Variants in TEKT5 observed in about 807,000 individuals in gnomAD.
TEKT5 encodes tektin 5.
In TEKT5, 52 loss-of-function variants were observed where a neutral mutation model predicts 48.7. That is an observed-to-expected ratio of 1.07 (90% CI 0.86 to 1.35). The LOEUF (loss-of-function observed/expected upper bound fraction) is 1.35. Ranked by LOEUF, TEKT5 falls within the 40% of genes most tolerant of loss-of-function variation. TEKT5 has a pLI of 0.00. For missense variants in TEKT5, 831 were observed against 641.6 expected, an observed-to-expected ratio of 1.30 and a Z score of -3.19; for synonymous variants, 318 against 267.6, an observed-to-expected ratio of 1.19 and a Z score of -1.84.
At chr16:10,684,852 G>A (rs934839245) in intron 3 of TEKT5, among the ~76,000 whole-genome samples, 4 of 152,184 alleles carry the variant, frequency 2.6e-5, no homozygotes, top group East Asian at 1.9e-4. Flanking sequence ...ATCAGGAAGA[G>A]CCTTTTCTCA....
rs555694538 is a variant in TEKT5 at position 10,687,421 on chromosome 16, T to A, written c.719+1832A>T. 2.6e-4 allele frequency among the ~76,000 whole-genome samples: 39 copies of A among 152,328 alleles called. No homozygotes were observed. The South Asian group carries it at 7.5e-3, about 29-fold the overall frequency. The stretch of plus-strand genomic sequence containing the variant: ...AAACAAAGACACTGGCCTGTCCCAA[T>A]TCTCCCTTTGTTAAAATTTGCCTGT... On this transcript the variant is annotated intron_variant, in intron 3 of 6. Transcript: ENST00000283025.
Position 10,632,247 on chromosome 16 carries a change from A to C in TEKT5, c.1241+3517T>G, listed in dbSNP as rs574022430. Among the ~76,000 whole-genome samples, 3 of 152,252 alleles carry C rather than the reference A, an allele frequency of 2.0e-5. No homozygotes were observed. The South Asian group carries it at 6.2e-4, about 32-fold the overall frequency. ...GATACTGAGCCCTTGAAATGTGGTT[A>C]TTGTGAATAAGGAATTGAATTTTTA... On this transcript the variant is annotated intron_variant, in intron 6 of 6. Coordinates refer to ENST00000283025, the MANE Select transcript of TEKT5 (RefSeq NM_144674.2).
At chr16:10,644,301 A>C (rs1898037956) in intron 5 of TEKT5, among the ~76,000 whole-genome samples, 1 of 152,174 alleles carries the variant, frequency 6.6e-6, no homozygotes, top group Non-Finnish European at 1.5e-5. Flanking sequence ...AGGCCCAGAG[A>C]GGAGCTGTAA....
At chr16:10,665,969 G>A (rs1898449087) in intron 5 of TEKT5, among the ~76,000 whole-genome samples, 1 of 152,222 alleles carries the variant, frequency 6.6e-6, no homozygotes, top group South Asian at 2.1e-4. Context: ...AACAGGGGCT[G>A]GGCGCGGTGG....
chr16:10,688,437 C>A (rs1371306026), intron 3 of TEKT5, among the ~76,000 whole-genome samples: 1 of 152,112 alleles, frequency 6.6e-6, no homozygotes, highest in African/African-American at 2.4e-5. Flanking sequence ...AAGGTGCCCG[C>A]CCCCCCTGCA....
At chr16:10,672,959 T>C (rs1170618892) in intron 5 of TEKT5, among the ~76,000 whole-genome samples, 2 of 151,650 alleles carry the variant, frequency 1.3e-5, no homozygotes, top group Non-Finnish European at 2.9e-5. Context: ...CAGGCTCAAG[T>C]GATCCTCCTT....
intron 3 of TEKT5, among the ~76,000 whole-genome samples, chr16:10,683,716 T>C (rs1016392159): frequency 6.6e-6 from 1 of 152,122 alleles, no homozygotes; most frequent in Admixed American, 6.5e-5. Flanking sequence ...TCAGTCTCCC[T>C]AGTAGCTGGG....
chr16:10,692,559 A>G (rs748766739), intron 1 of TEKT5: 4 of 152,368 alleles, frequency 2.6e-5, no homozygotes, highest in Non-Finnish European at 4.4e-5. Context: ...AACCCCTTCC[A>G]TGATTTTCTC....
chr16:10,669,374 G>A (rs140602167), intron 5 of TEKT5, among the ~76,000 whole-genome samples: 85 of 152,154 alleles, frequency 5.6e-4, no homozygotes, highest in African/African-American at 2.0e-3. Flanking sequence ...CAGGAGAATC[G>A]CTTGAACCTG....
At chr16:10,657,273 G>A (rs1567229465) in intron 5 of TEKT5, among the ~76,000 whole-genome samples, 2 of 150,210 alleles carry the variant, frequency 1.3e-5, no homozygotes, top group African/African-American at 4.9e-5. Context: ...TTACAGGCAT[G>A]CACCACCATG....
chr16:10,655,853 C>A (rs1459039985), intron 5 of TEKT5, among the ~76,000 whole-genome samples: 1 of 152,098 alleles, frequency 6.6e-6, no homozygotes, highest in Non-Finnish European at 1.5e-5. Context: ...CTGATGATAC[C>A]ATGAAGCCAT....
intron 5 of TEKT5, among the ~76,000 whole-genome samples, chr16:10,652,534 C>A (rs1338190941): frequency 2.5e-5 from 3 of 120,756 alleles, no homozygotes; most frequent in African/African-American, 1.0e-4. Flanking sequence ...TATACACAGG[C>A]AGACATACAC....
At chr16:10,691,314 G>C (rs910710309) in intron 1 of TEKT5, 1 of 152,344 alleles carries the variant, frequency 6.6e-6, no homozygotes, top group African/African-American at 2.4e-5. Context: ...AACAGACAAA[G>C]ACCCTGTCTC....
chr16:10,679,845 C>T (rs572335418), intron 4 of TEKT5, among the ~76,000 whole-genome samples: 4 of 151,608 alleles, frequency 2.6e-5, no homozygotes, highest in Admixed American at 1.3e-4. Flanking sequence ...TGTGGTGAGC[C>T]GAGATCGCAC....
chr16:10,631,364 A>G (rs2541525), intron 6 of TEKT5, among the ~76,000 whole-genome samples: 29,012 of 86,054 alleles, frequency 0.34, 5,304 homozygotes, highest in African/African-American at 0.6. Flanking sequence ...GGGGCGGGGG[A>G]GGGTTGAAAC....
rs1457714250 is a variant in TEKT5 at position 10,694,707 on chromosome 16, T to C, written c.167A>G (p.Tyr56Cys). The change falls in exon 1 of 7, where the codon TAC becomes TGC. Residue 56 changes from tyrosine to cysteine, a missense_variant. Coordinates refer to ENST00000283025, the MANE Select transcript of TEKT5 (RefSeq NM_144674.2). ...YLNSWRPSLF[Y>C]KIANVQTCPD... ...GCAGGTCTGGACGTTGGCTATCTTG[T>C]AGAAGAGGCTAGGCCTCCATGAATT... 15 of 1,613,870 alleles carry C rather than the reference T, an allele frequency of 9.3e-6. No homozygotes were observed. The highest frequency in any genetic ancestry group is 3.3e-5 in the South Asian group (3 of 91,040).
At chr16:10,685,850 C>A (rs543566319) in intron 3 of TEKT5, among the ~76,000 whole-genome samples, 1 of 152,112 alleles carries the variant, frequency 6.6e-6, no homozygotes, top group African/African-American at 2.4e-5. Context: ...TCTCCCAGAT[C>A]CCCCCACCTC....
intron 5 of TEKT5, among the ~76,000 whole-genome samples, chr16:10,655,083 A>G (rs1051149669): frequency 2.0e-5 from 3 of 152,000 alleles, no homozygotes; most frequent in African/African-American, 7.2e-5. Flanking sequence ...TAAGGCAGGA[A>G]GAGAGACTTA....
chr16:10,665,281 G>GT (rs1247050535), intron 5 of TEKT5, among the ~76,000 whole-genome samples: 7 of 152,174 alleles, frequency 4.6e-5, no homozygotes, highest in African/African-American at 1.7e-4. Context: ...CTCTGCCTTG[G>GT]CCAGGCTGCA....
Sources: allele counts gnomAD v4.1 joint callset (sites outside exome capture counted in the v4.1 genomes callset), GRCh38; gene constraint gnomAD v4.1.1; transcripts MANE v1.5; gene names NCBI Gene and HGNC (gene_info 2026-07-23, HGNC 2026-07-21).